Variants in ZNF768 observed in about 807,000 individuals in gnomAD.
The protein encoded by ZNF768 is zinc finger protein 768.
In ZNF768, 12 loss-of-function variants were observed where a neutral mutation model predicts 39.7. The observed-to-expected ratio is 0.30, with a 90% CI of 0.19 to 0.49. ZNF768 has a LOEUF of 0.49. ZNF768 is among the 20% of genes least tolerant of loss of function. The pLI is 0.99. For missense variants in ZNF768, 613 were observed against 723.2 expected, an observed-to-expected ratio of 0.85 and a Z score of 1.75; for synonymous variants, 360 against 288.4, an observed-to-expected ratio of 1.25 and a Z score of -2.52.
chr16:30,529,274 C>T (rs1270667958), upstream of ZNF768, among the ~76,000 whole-genome samples: 3 of 152,262 alleles, frequency 2.0e-5, no homozygotes, highest in Non-Finnish European at 4.4e-5. Context: ...AGTCCACTGG[C>T]ATTGTCCTGC....
Position 30,525,581 on chromosome 16 carries a change from T to C in ZNF768, c.559A>G (p.Asn187Asp), listed in dbSNP as rs201455166. 6.2e-7 allele frequency: 1 copy of C among 1,614,258 alleles called. No individual in the cohort carries two copies. Among genetic ancestry groups the C allele is most frequent in the East Asian group, 2.2e-5 (1 of 44,896 alleles). The stretch of plus-strand genomic sequence containing the variant: ...AGGGGGTGAACTCCTACGGAGATAT[T>C]CAAAGGACTCTTTTCCTCGGGGTTC... ...LLNPEEKSPL[N>D]ISVGVHPLDS... The change falls in exon 2 of 2, where the codon AAT (asparagine) becomes GAT (aspartate). Residue 187 changes from asparagine to aspartate, a missense_variant. By Grantham distance (23) the Asn-to-Asp change is conservative. Transcript: ENST00000380412.
In ZNF768 at chr16:30,525,939, T is replaced by A; in HGVS notation, c.201A>T (p.Pro67=). The A allele has an allele frequency of 6.6e-7, 1 of 1,514,322 alleles. No individual in the cohort carries two copies. The allele number at this position is 1,514,322 out of a possible 1,614,324, so 93.8% of individuals were successfully genotyped here. A position where few individuals can be genotyped will look rare whatever the true frequency, so the allele number is the denominator to read the frequency against. ...TTTGGGGTTCAAACTCTGGGCTTTGTGGCTCAAACCCAGGGCTCTGGGGTT... is the reference window on the plus strand; with the variant it reads ...TTTGGGGTTCAAACTCTGGGCTTTGAGGCTCAAACCCAGGGCTCTGGGGTT... The part of the protein sequence containing the change: ...GLEPQSPGFE[P]QSPEFEPQSP... Residue 67 remains proline, a synonymous_variant, in exon 2 of 2, where the codon CCA becomes CCT. Coordinates refer to ENST00000380412, the MANE Select transcript of ZNF768 (RefSeq NM_024671.4).
At position 30,524,733 on chromosome 16, in the gene ZNF768, G is replaced by A. The variant is rs2051304361; in HGVS notation, c.1407C>T (p.Ser469=). The change falls in exon 2 of 2, where the codon TCC becomes TCT. Residue 469 remains serine (S), a synonymous_variant. Coordinates refer to ENST00000380412, the MANE Select transcript of ZNF768 (RefSeq NM_024671.4). ...AGCGCTGGTGCTGGATGAGAGTGGA[G>A]GAGCGATTGAAGGTCTTGCCGCAGT... The part of the protein sequence containing the change: ...CPDCGKTFNR[S]STLIQHQRSH... The A allele has an allele frequency of 1.9e-6, 3 of 1,612,928 alleles. No homozygotes were observed. The highest frequency in any genetic ancestry group is 1.1e-5 in the South Asian group (1 of 91,014).
chr16:30,526,786 GC>G, upstream of ZNF768: 1 of 225,420 alleles, frequency 4.4e-6, no homozygotes, highest in South Asian at 2.0e-4. Flanking sequence ...TCCAACGGCC[GC>G]CCAGCACCCC....
Position 30,525,899 on chromosome 16 carries a change from G to T in ZNF768, c.241C>A (p.Pro81Thr). The T allele has an allele frequency of 1.3e-6, 2 of 1,519,396 alleles. No individual in the cohort carries two copies. The highest frequency in any genetic ancestry group is 1.8e-6 in the Non-Finnish European group (2 of 1,137,366). The allele number at this position is 1,519,396 out of a possible 1,614,324, so 94.1% of individuals were successfully genotyped here. The change falls in exon 2 of 2, where the codon CCT becomes ACT. Residue 81 changes from proline to threonine, a missense_variant. Transcript: ENST00000380412. ...CGGGACTCAAACCCCGGGCTTTCAG[G>T]CTCAAATCTGGGGCTTTGGGGTTCA... Reference protein sequence around the residue: ...EFEPQSPRFEPESPGFESRSP... With the variant: ...EFEPQSPRFETESPGFESRSP...
At position 30,525,872 on chromosome 16, in the gene ZNF768, T is replaced by A; in HGVS notation, c.268A>T (p.Ser90Cys). Residue 90 changes from serine (S) to cysteine (C), a missense_variant, in exon 2 of 2, where the codon AGC (serine) becomes TGC (cysteine). Physicochemically the swap from Ser to Cys is moderately radical, Grantham distance 112. Transcript: ENST00000380412. ...GGGCTTGGGGGCACAAGCCCAGGGC[T>A]TCGGGACTCAAACCCCGGGCTTTCA... ...EPESPGFESR[S>C]PGLVPPSPEF... 6.6e-7 allele frequency: 1 copy of A among 1,520,658 alleles called. No homozygotes were observed. Among genetic ancestry groups the A allele is most frequent in the Non-Finnish European group, 8.8e-7 (1 of 1,138,024 alleles). 94.2% of individuals were successfully genotyped at this position (1,520,658 alleles called of 1,614,324 possible).
intron 1 of ZNF768, 61 bp from the exon 2 acceptor site, chr16:30,526,112 C>A: frequency 6.7e-7 from 1 of 1,492,886 alleles, no homozygotes; most frequent in Non-Finnish European, 8.9e-7. Context: ...CCATTAGCAA[C>A]CACACACCTC....
chr16:30,530,289 G>A (rs2051358347), upstream of ZNF768: 1 of 152,208 alleles, frequency 6.6e-6, no homozygotes, highest in Non-Finnish European at 1.5e-5. The surrounding 1 kb of genome is among the most constrained non-coding windows in gnomAD (Gnocchi z 4.4). Context: ...GGGTCATGAG[G>A]GCAGGAAGCA....
chr16:30,525,492 A>C lies in ZNF768; in HGVS notation c.648T>G (p.Phe216Leu), dbSNP rs1292730687. The C allele has an allele frequency of 6.2e-7, 1 of 1,614,148 alleles. No individual in the cohort carries two copies. Among genetic ancestry groups the C allele is most frequent in the South Asian group, 1.1e-5 (1 of 91,088 alleles). Residue 216 changes from phenylalanine (F) to leucine (L), a missense_variant, in exon 2 of 2, where the codon TTT becomes TTG. By Grantham distance (22) the Phe-to-Leu change is conservative. Transcript: ENST00000380412. The part of the protein sequence containing the change: ...PTGDLPIGPP[F>L]EMPTGALLST... Reference sequence around the variant, plus strand: ...ACAGCAGGGCCCCTGTGGGCATCTCAAAAGGTGGCCCTATGGGCAGGTCCC... The same window carrying C: ...ACAGCAGGGCCCCTGTGGGCATCTCCAAAGGTGGCCCTATGGGCAGGTCCC...
chr16:30,528,005 CTTAATATCATCCAGT>C (rs750963387), upstream of ZNF768: 1 of 152,220 alleles, frequency 6.6e-6, no homozygotes. Flanking sequence ...GGACAGACAA[CTTAATATCATCCAGT>C]TCTTGTCTTT....
chr16:30,532,444 C>A, the ZNF768 span: 9 of 1,545,820 alleles, frequency 5.8e-6, no homozygotes, highest in Middle Eastern at 1.7e-4. Context: ...GAGGTTCGGG[C>A]CCCTGAGCCC....
upstream of ZNF768, among the ~76,000 whole-genome samples, chr16:30,529,305 G>T (rs1324782777): frequency 6.6e-6 from 1 of 152,244 alleles, no homozygotes; most frequent in Non-Finnish European, 1.5e-5. Context: ...ATGAGGATGA[G>T]CCCTGTGCAT....
upstream of ZNF768, chr16:30,527,100 G>A: frequency 1.0e-6 from 1 of 985,368 alleles, no homozygotes; most frequent in Non-Finnish European, 1.2e-6. Flanking sequence ...AGGTCAGCGA[G>A]AAGGAGCGAC....
Position 30,525,778 on chromosome 16 carries a change from T to C in ZNF768, c.362A>G (p.Tyr121Cys). The change falls in exon 2 of 2, where the codon TAT becomes TGT. Residue 121 changes from tyrosine to cysteine, a missense_variant. Coordinates refer to ENST00000380412, the MANE Select transcript of ZNF768 (RefSeq NM_024671.4). ...TTCATAGCCAGGGCTTTGGGGTTCA[T>C]ACCTAGGGCTCTGGGATTCAAACTC... ...SPEFESQSPR[Y>C]EPQSPGYEPR... The C allele has an allele frequency of 6.4e-7, 1 of 1,573,660 alleles. No homozygotes were observed. The highest frequency in any genetic ancestry group is 8.6e-7 in the Non-Finnish European group (1 of 1,164,128).
rs916617699 is a variant in ZNF768, at chr16:30,525,743, G to A, written c.397C>T (p.Pro133Ser). ...PQSPGYEPRS[P>S]GYEPRSPGYE... ...CCAGGGCTCCGGGGTTCATACCCGG[G>A]GCTCCGAGGTTCATAGCCAGGGCTT... Residue 133 changes from proline to serine, a missense_variant, in exon 2 of 2, where the codon CCC (proline) becomes TCC (serine). This residue lies in a region of ZNF768 where 347 missense variants were observed against 326.1 expected (regional missense o/e 1.06). Coordinates refer to ENST00000380412, the MANE Select transcript of ZNF768 (RefSeq NM_024671.4). 1.9e-6 allele frequency: 3 copies of A among 1,605,784 alleles called. No individual in the cohort carries two copies. In the African/African-American group the frequency reaches 4.0e-5, roughly 22 times the overall value.
rs1019756001 is a variant in ZNF768 at position 30,524,005 on chromosome 16, T to C, written c.*512A>G. On this transcript the variant is annotated 3_prime_UTR_variant, in exon 2 of 2. Transcript: ENST00000380412. ...CACACATTTTAAGGACAAGTCTCGTTTACCACATAAAGTTTTTATTGAACT... is the reference window on the plus strand; with the variant it reads ...CACACATTTTAAGGACAAGTCTCGTCTACCACATAAAGTTTTTATTGAACT... 1 of 158,764 alleles carries C rather than the reference T, an allele frequency of 6.3e-6. No homozygotes were observed. Among genetic ancestry groups the C allele is most frequent in the African/African-American group, 2.4e-5 (1 of 41,490 alleles). 9.8% of individuals were successfully genotyped at this position (158,764 alleles called of 1,614,324 possible).
At chr16:30,526,806 C>T (rs1245950173), upstream of ZNF768, 2 of 916,426 alleles carry the variant, frequency 2.2e-6, no homozygotes, top group African/African-American at 3.6e-5. Context: ...CCCCCACCCT[C>T]CCCCGCACAG....
At chr16:30,530,381 G>A (rs1443407735), upstream of ZNF768, 2 of 152,140 alleles carry the variant, frequency 1.3e-5, no homozygotes, top group Non-Finnish European at 2.9e-5. This position sits in a 1 kb window ranked among gnomAD's most constrained non-coding sequence, Gnocchi z 4.4. Context: ...TAATAATCAC[G>A]GCATCTTTAA....
At chr16:30,532,249 T>C in the ZNF768 span, 1 of 580,744 alleles carries the variant, frequency 1.7e-6, no homozygotes, top group South Asian at 2.2e-5. Flanking sequence ...AGCTTTTGCT[T>C]CCCTGTATGG....
Sources: gnomAD v4.1 joint callset for allele counts (sites outside exome capture counted in the v4.1 genomes callset) on GRCh38, gnomAD v4.1.1 for gene constraint, gnomAD v4.1.1 regional missense constraint, Gnocchi (gnomAD v3.1) non-coding constraint, MANE v1.5 for transcripts, NCBI Gene and HGNC (gene_info 2026-07-23, HGNC 2026-07-21) for gene names.